Variants in IFT122 observed in about 807,000 individuals in gnomAD.
The protein encoded by IFT122 is intraflagellar transport 122.
Under a neutral mutation model 161.6 loss-of-function variants are expected in IFT122, and 118 were observed. The observed-to-expected ratio is 0.73, with a 90% CI of 0.63 to 0.85. The LOEUF (loss-of-function observed/expected upper bound fraction) is 0.85. Among genes scored for constraint, IFT122 ranks in the 40% least tolerant of loss-of-function variants. The pLI is 0.00. For synonymous variants in IFT122, 550 were observed against 602.4 expected (o/e 0.91, Z 1.27); for missense variants, 1,381 against 1,579.6 (o/e 0.87, Z 2.13).
intron 4 of IFT122, among the ~76,000 whole-genome samples, chr3:129,460,234 C>T (rs988851641): frequency 6.6e-6 from 1 of 152,160 alleles, no homozygotes; most frequent in South Asian, 2.1e-4. Flanking sequence ...CTACCCCCAG[C>T]CCCTGAAAAC....
intron 12 of IFT122, 50 bp downstream of exon 12, chr3:129,478,268 C>T (rs1343663064): frequency 6.6e-7 from 1 of 1,525,306 alleles, no homozygotes; most frequent in Admixed American, 1.7e-5. Context: ...TTTGTGCTCC[C>T]CCCCCAGTGA....
intron 29 of IFT122, 91 bp downstream of exon 29, chr3:129,519,823 G>A: frequency 6.9e-7 from 1 of 1,445,290 alleles, no homozygotes; most frequent in Non-Finnish European, 9.6e-7. Flanking sequence ...CCCCTGGGAG[G>A]AGGGGCACAT....
chr3:129,514,120 T>C lies in IFT122; in HGVS notation c.2988-269T>C, dbSNP rs2083172746. 3 of 541,010 alleles carry C rather than the reference T, an allele frequency of 5.5e-6. No homozygotes were observed. The Admixed American group carries it at 7.2e-5, about 13-fold the overall frequency. 33.5% of individuals were successfully genotyped at this position (541,010 alleles called of 1,614,324 possible). ...ATTTTGGCCTAGTCAGGGTATAAGATGAGCCATCAGCAGGCCCAGAGATGC... is the reference window on the plus strand; with the variant it reads ...ATTTTGGCCTAGTCAGGGTATAAGACGAGCCATCAGCAGGCCCAGAGATGC... On this transcript the variant is annotated intron_variant, in intron 24 of 29. Transcript: ENST00000348417.
chr3:129,461,218 T>C lies in IFT122; in HGVS notation c.273-10T>C. The C allele has an allele frequency of 2.5e-6, 4 of 1,606,672 alleles. No individual in the cohort carries two copies. Among genetic ancestry groups the C allele is most frequent in the Non-Finnish European group, 3.4e-6 (4 of 1,173,134 alleles). ...TGCTGCATAGTAATCTACAGTTGTTTACTTCCCAGGCACAATGATGCTATA... is the reference window on the plus strand; with the variant it reads ...TGCTGCATAGTAATCTACAGTTGTTCACTTCCCAGGCACAATGATGCTATA... On this transcript the variant is annotated splice_polypyrimidine_tract_variant and intron_variant, in intron 4 of 29. Transcript: ENST00000348417.
intron 16 of IFT122, among the ~76,000 whole-genome samples, chr3:129,489,114 C>G (rs577766324): frequency 6.6e-6 from 1 of 152,296 alleles, no homozygotes; most frequent in East Asian, 1.9e-4. Flanking sequence ...CTTTATCTCC[C>G]CACAGTCAAT....
intron 19 of IFT122, among the ~76,000 whole-genome samples, chr3:129,501,039 G>A (rs2081473286): frequency 6.6e-6 from 1 of 152,206 alleles, no homozygotes; most frequent in East Asian, 1.9e-4. Context: ...CTCTGTGGCT[G>A]CTGGTGGGTT....
At chr3:129,473,195 G>A (rs1295363531) in intron 9 of IFT122, among the ~76,000 whole-genome samples, 2 of 152,192 alleles carry the variant, frequency 1.3e-5, no homozygotes, top group East Asian at 1.9e-4. Flanking sequence ...TAACAACTCT[G>A]TAGGCTGAGG....
rs2076003007 is a variant in IFT122, at chr3:129,459,716, CCTT to C, written c.272+1041_272+1043del. Among the ~76,000 whole-genome samples the C allele has an allele frequency of 1.9e-5, 2 of 104,192 alleles. 1 individual carries two copies. Among genetic ancestry groups the C allele is most frequent in the African/African-American group, 9.7e-5 (2 of 20,596 alleles). 68.4% of individuals were successfully genotyped at this position (104,192 alleles called of 152,430 possible). A position where few individuals can be genotyped will look rare whatever the true frequency, so the allele number is the denominator to read the frequency against. On this transcript the variant is annotated intron_variant, in intron 4 of 29. Coordinates refer to ENST00000348417, the MANE Select transcript of IFT122 (RefSeq NM_052989.3). ...TCCTTCCTTCCTTCCTTCCTTCCTT[CCTT>C]CCTTCCTTCCCTCCCTCCCTCCCTT...
chr3:129,479,805 G>T lies in IFT122; in HGVS notation c.1371G>T (p.Leu457=). The T allele has an allele frequency of 1.9e-6, 3 of 1,614,092 alleles. No homozygotes were observed. Among genetic ancestry groups the T allele is most frequent in the Non-Finnish European group, 2.5e-6 (3 of 1,180,026 alleles). Residue 457 remains leucine, a synonymous_variant, in exon 13 of 30, where the codon CTG becomes CTT. Transcript: ENST00000348417. ...CCTAGGAGAAACGGCTGCAGTGCCT[G>T]TCCTTCAGCGGAGTGAAGGAGCGGG... ...ILCQEKRLQC[L]SFSGVKEREW... is the part of the protein sequence containing the mutation.
chr3:129,514,669 C>A, intron 25 of IFT122, 115 bp downstream of exon 25: 1 of 1,206,004 alleles, frequency 8.3e-7, no homozygotes, highest in Non-Finnish European at 1.2e-6. Context: ...TCCCTCTAGG[C>A]TCTGTGCCCC....
At chr3:129,441,053 A>C (rs2073003022) in intron 1 of IFT122, among the ~76,000 whole-genome samples, 1 of 152,226 alleles carries the variant, frequency 6.6e-6, no homozygotes, top group African/African-American at 2.4e-5. Flanking sequence ...TCTGAAAAAG[A>C]ACTGAAGGGG....
chr3:129,499,557 T>C (rs569403951), intron 18 of IFT122, among the ~76,000 whole-genome samples: 3 of 152,198 alleles, frequency 2.0e-5, no homozygotes, highest in Non-Finnish European at 2.9e-5. Context: ...AGCCTGATCA[T>C]GAACCCCCGA....
At chr3:129,464,091 G>C (rs2076456413) in intron 6 of IFT122, among the ~76,000 whole-genome samples, 1 of 152,248 alleles carries the variant, frequency 6.6e-6, no homozygotes. Flanking sequence ...GACTTGACGA[G>C]ATTGTTGTGA....
At chr3:129,451,445 C>T (rs1208956493) in intron 2 of IFT122, among the ~76,000 whole-genome samples, 1 of 152,106 alleles carries the variant, frequency 6.6e-6, no homozygotes, top group Admixed American at 6.6e-5. Context: ...TTATAACATT[C>T]CCTCCTACTT....
chr3:129,472,150 G>A (rs1268563891), intron 9 of IFT122, among the ~76,000 whole-genome samples: 1 of 152,008 alleles, frequency 6.6e-6, no homozygotes, highest in Non-Finnish European at 1.5e-5. Flanking sequence ...AATTTCATAT[G>A]TCTGATTTTA....
intron 26 of IFT122, among the ~76,000 whole-genome samples, chr3:129,517,172 GCACACACACAGAGACTGCCCCTA>G: frequency 8.8e-6 from 1 of 113,360 alleles, no homozygotes. Flanking sequence ...GACTGCCTCT[GCACACACACAGAGACTGCCCCTA>G]CACACACACA....
chr3:129,517,738 C>A, intron 27 of IFT122, 144 bp downstream of exon 27: 1 of 1,149,100 alleles, frequency 8.7e-7, no homozygotes, highest in Non-Finnish European at 1.3e-6. Flanking sequence ...GAGAGGCCCA[C>A]ATGGGACAGG....
At chr3:129,471,597 A>G (rs2077377865) in intron 9 of IFT122, among the ~76,000 whole-genome samples, 3 of 152,224 alleles carry the variant, frequency 2.0e-5, no homozygotes, top group African/African-American at 4.8e-5. Flanking sequence ...TCTTGCATGT[A>G]TGCAGCCCCA....
intron 8 of IFT122, among the ~76,000 whole-genome samples, chr3:129,468,349 C>CTT (rs796387422): frequency 1.4e-5 from 2 of 145,360 alleles, no homozygotes; most frequent in Non-Finnish European, 1.5e-5. Flanking sequence ...GAATGCTTTT[C>CTT]TTTTTTTTTT....
Sources: allele counts gnomAD v4.1 joint callset (sites outside exome capture counted in the v4.1 genomes callset), GRCh38; gene constraint gnomAD v4.1.1; transcripts MANE v1.5; gene names NCBI Gene and HGNC (gene_info 2026-07-23, HGNC 2026-07-21).